Variants in VAMP7 observed in about 807,000 individuals in gnomAD.
VAMP7 encodes the protein vesicle associated membrane protein 7.
Under a neutral mutation model 29.6 loss-of-function variants are expected in VAMP7, and 14 were observed. That is an observed-to-expected ratio of 0.47 (90% CI 0.31 to 0.74). VAMP7 has a LOEUF of 0.74. Ranked by LOEUF, VAMP7 falls within the 30% of genes least tolerant of loss-of-function variation. The pLI is 0.05. For synonymous variants in VAMP7, 95 were observed against 88.1 expected (o/e 1.08, Z -0.44); for missense variants, 223 against 262.4 (o/e 0.85, Z 1.04).
At position 155,943,042 on chromosome X, in the gene VAMP7, C is replaced by T. The variant is rs2066769995; in HGVS notation, c.*1091C>T. 6.6e-6 allele frequency: 1 copy of T among 150,880 alleles called. No homozygotes were observed. Among genetic ancestry groups the T allele is most frequent in the African/African-American group, 2.4e-5 (1 of 40,900 alleles). The allele number at this position is 150,880 out of a possible 1,614,324, so 9.3% of individuals were successfully genotyped here. ...ACTTGAAAGAGAATAGACAGTATGA[C>T]ATATAGAATTAATACAAAACAGTTT... On this transcript the variant is annotated 3_prime_UTR_variant, in exon 8 of 8. Transcript: ENST00000286448.
intron 5 of VAMP7, among the ~76,000 whole-genome samples, chrX:155,912,176 G>C (rs1237717485): frequency 6.6e-6 from 1 of 151,888 alleles, no homozygotes; most frequent in African/African-American, 2.4e-5. Context: ...CTAGTTTTTT[G>C]AGAGTTTTTA....
chrX:155,904,642 A>T (rs1409578738), intron 5 of VAMP7, among the ~76,000 whole-genome samples: 2 of 151,904 alleles, frequency 1.3e-5, no homozygotes, highest in African/African-American at 4.8e-5. Context: ...CTTCTTCATA[A>T]ATTTGCCTAT....
chrX:155,927,177 A>T lies in VAMP7; in HGVS notation c.501+7297A>T, dbSNP rs149414216. On this transcript the variant is annotated intron_variant, in intron 6 of 7. Coordinates refer to ENST00000286448, the MANE Select transcript of VAMP7 (RefSeq NM_005638.6). ...TAAGTGGGAGTTGAACAATGAGAAC[A>T]CATGGACACAGTGAGGGGAACATCA... Among the ~76,000 whole-genome samples, 996 of 152,156 alleles carry T rather than the reference A, an allele frequency of 6.5e-3. 4 individuals are homozygous for T. Among genetic ancestry groups the T allele is most frequent in the Middle Eastern group, 0.014 (4 of 294 alleles).
At chrX:155,903,908 A>G (rs2066107131) in intron 5 of VAMP7, among the ~76,000 whole-genome samples, 1 of 152,282 alleles carries the variant, frequency 6.6e-6, no homozygotes, top group East Asian at 1.9e-4. Context: ...ATGCACACGT[A>G]TGTTTATAGC....
At position 155,907,964 on chromosome X, in the gene VAMP7, G is replaced by A. The variant is rs767765104; in HGVS notation, c.433+7377G>A. Reference sequence around the variant, plus strand: ...GCTCCCCACATCTCAGACGATGGGCGGCCGGGCAGAGACGCTCCTCACTTC... The same window carrying A: ...GCTCCCCACATCTCAGACGATGGGCAGCCGGGCAGAGACGCTCCTCACTTC... On this transcript the variant is annotated intron_variant, in intron 5 of 7. Coordinates refer to ENST00000286448, the MANE Select transcript of VAMP7 (RefSeq NM_005638.6). 5.9e-5 allele frequency among the ~76,000 whole-genome samples: 9 copies of A among 151,998 alleles called. No individual in the cohort carries two copies. In the South Asian group the frequency reaches 1.3e-3, roughly 21 times the overall value.
At chrX:155,883,935 C>A (rs1285977244) in intron 1 of VAMP7, among the ~76,000 whole-genome samples, 3 of 151,436 alleles carry the variant, frequency 2.0e-5, no homozygotes, top group African/African-American at 2.4e-5. Flanking sequence ...AGGCTGGTCT[C>A]GAACTCCTGA....
intron 7 of VAMP7, among the ~76,000 whole-genome samples, chrX:155,940,267 C>T (rs2066724594): frequency 6.6e-6 from 1 of 152,070 alleles, no homozygotes; most frequent in Admixed American, 6.5e-5. Context: ...GTGGGGGGTG[C>T]TTTACCCTGT....
chrX:155,904,524 A>T (rs1181234358), intron 5 of VAMP7, among the ~76,000 whole-genome samples: 1 of 152,092 alleles, frequency 6.6e-6, no homozygotes, highest in African/African-American at 2.4e-5. Context: ...TTGTACAACC[A>T]TTGCTGCGAT....
chrX:155,929,581 T>C (rs975084946), intron 6 of VAMP7, among the ~76,000 whole-genome samples: 4 of 152,134 alleles, frequency 2.6e-5, no homozygotes, highest in Non-Finnish European at 5.9e-5. Context: ...CCCCTTTTGA[T>C]CAAAATTTTT....
At position 155,903,130 on chromosome X, in the gene VAMP7, C is replaced by G. The variant is rs1373010318; in HGVS notation, c.433+2543C>G. Among the ~76,000 whole-genome samples, 3 of 152,032 alleles carry G rather than the reference C, an allele frequency of 2.0e-5. No homozygotes were observed. In the East Asian group the frequency reaches 5.8e-4, roughly 29 times the overall value. ...TATGTGTCGAGGAATTTATCCATTT[C>G]TTCTAGATTTTCTAGTTTATTTGCG... On this transcript the variant is annotated intron_variant, in intron 5 of 7. Transcript: ENST00000286448.
chrX:155,915,187 T>G (rs1164780349), intron 5 of VAMP7, among the ~76,000 whole-genome samples: 5 of 152,168 alleles, frequency 3.3e-5, no homozygotes, highest in Non-Finnish European at 7.4e-5. Context: ...TAGTTTGTAT[T>G]TCTGTGGGAT....
intron 2 of VAMP7, among the ~76,000 whole-genome samples, chrX:155,891,025 C>T (rs2065920265): frequency 6.6e-6 from 1 of 152,130 alleles, no homozygotes; most frequent in African/African-American, 2.4e-5. Flanking sequence ...CACTTCTGGC[C>T]AAGGCAGCTC....
chrX:155,890,134 A>G (rs2065910177), intron 2 of VAMP7, among the ~76,000 whole-genome samples: 1 of 151,932 alleles, frequency 6.6e-6, no homozygotes, highest in Non-Finnish European at 1.5e-5. Flanking sequence ...CAGGTAGAGA[A>G]GTATGGAGGC....
At chrX:155,927,780 T>A (rs905519060) in intron 6 of VAMP7, among the ~76,000 whole-genome samples, 4 of 151,508 alleles carry the variant, frequency 2.6e-5, no homozygotes, top group African/African-American at 9.7e-5. Flanking sequence ...TTTTTTTTTT[T>A]AAAGTGAGTG....
intron 5 of VAMP7, among the ~76,000 whole-genome samples, chrX:155,903,182 T>G (rs1275234697): frequency 1.9e-4 from 29 of 152,130 alleles, no homozygotes; most frequent in African/African-American, 5.8e-4. Flanking sequence ...ATTCTCTGAT[T>G]GTAGTTTGTA....
intron 6 of VAMP7, among the ~76,000 whole-genome samples, chrX:155,924,664 C>T (rs1243460477): frequency 1.3e-5 from 2 of 152,152 alleles, no homozygotes; most frequent in South Asian, 4.1e-4. Context: ...TGGAGGGTCT[C>T]ACCTTGATGT....
At chrX:155,916,430 G>A (rs1005824168) in intron 5 of VAMP7, among the ~76,000 whole-genome samples, 2 of 152,130 alleles carry the variant, frequency 1.3e-5, no homozygotes, top group African/African-American at 2.4e-5. Context: ...CTTGTTAGTC[G>A]ATATAGTTTC....
At chrX:155,887,937 C>CAAAAAAAAAAAA (rs771113450) in intron 1 of VAMP7, among the ~76,000 whole-genome samples, 1 of 98,666 alleles carries the variant, frequency 1.0e-5, no homozygotes. Context: ...GACCCTGTCT[C>CAAAAAAAAAAAA]AAAAAAAAAA....
At position 155,935,394 on chromosome X, in the gene VAMP7, C is replaced by T. The variant is rs186093282; in HGVS notation, c.502-4307C>T. 1.0e-3 allele frequency among the ~76,000 whole-genome samples: 153 copies of T among 152,094 alleles called. 3 individuals are homozygous for T. The East Asian group carries it at 0.028, about 28-fold the overall frequency. On this transcript the variant is annotated intron_variant, in intron 6 of 7. Transcript: ENST00000286448. Reference sequence around the variant, plus strand: ...TCCCATATTTCTTGGAGGCTTTTTTCGTTTCTTTTTATTCTTTTTTCTCTA... The same window carrying T: ...TCCCATATTTCTTGGAGGCTTTTTTTGTTTCTTTTTATTCTTTTTTCTCTA...
Sources: allele counts gnomAD v4.1 joint callset (sites outside exome capture counted in the v4.1 genomes callset), GRCh38; gene constraint gnomAD v4.1.1; transcripts MANE v1.5; gene names NCBI Gene and HGNC (gene_info 2026-07-23, HGNC 2026-07-21).